LYRM9: variants seen among roughly 807,000 people sequenced by gnomAD.
The protein encoded by LYRM9 is LYR motif containing 9.
In LYRM9, 14 loss-of-function variants were observed where a neutral mutation model predicts 12.6. The ratio of observed to expected loss-of-function variants is 1.11; its 90% CI spans 0.73 to 1.73. LYRM9 has a LOEUF of 1.73. LYRM9 is among the 40% of genes most tolerant of loss of function. The pLI, the probability that LYRM9 is intolerant of heterozygous loss-of-function variation, is 0.00. For synonymous variants in LYRM9, 42 were observed against 35.1 expected (o/e 1.20, Z -0.69); for missense variants, 94 against 95.0 (o/e 0.99, Z 0.04).
chr17:27,881,721 C>T (rs1006920096), intron 2 of LYRM9, among the ~76,000 whole-genome samples: 1 of 152,142 alleles, frequency 6.6e-6, no homozygotes, highest in Non-Finnish European at 1.5e-5. Context: ...TCTGACATAA[C>T]CACAGTAATC....
At chr17:27,889,369 G>A (rs908682014) in intron 1 of LYRM9, among the ~76,000 whole-genome samples, 3 of 151,004 alleles carry the variant, frequency 2.0e-5, no homozygotes, top group South Asian at 2.1e-4. Context: ...GTGCAATGGC[G>A]CAATCTTGGC....
In LYRM9 at chr17:27,886,570, A is replaced by T. The variant is rs149829578; in HGVS notation, c.-18-3858T>A. On this transcript the variant is annotated intron_variant, in intron 1 of 3. Coordinates refer to ENST00000379102, the MANE Select transcript of LYRM9 (RefSeq NM_001076680.3). The surrounding 1 kb of genome is among the most constrained non-coding windows in gnomAD (Gnocchi z 4.8). ...CTCCTCCATCTTCCCAGGCAACCAA[A>T]CCAAAATCATCACAGTCAACCCAGG... Among the ~76,000 whole-genome samples, 5 of 151,884 alleles carry T rather than the reference A, an allele frequency of 3.3e-5. No homozygotes were observed. The East Asian group carries it at 7.7e-4, about 23-fold the overall frequency.
intron 1 of LYRM9, among the ~76,000 whole-genome samples, chr17:27,887,925 T>C (rs1046663192): frequency 2.0e-5 from 3 of 152,154 alleles, no homozygotes; most frequent in African/African-American, 7.2e-5. Context: ...GGCAAGAGAA[T>C]TCTCTTACTC....
chr17:27,880,237 C>A, intron 3 of LYRM9, 37 bp downstream of exon 3: 1 of 1,506,070 alleles, frequency 6.6e-7, no homozygotes, highest in African/African-American at 1.4e-5. Context: ...CATCATCACC[C>A]CAGCTCGCAG....
In LYRM9 at chr17:27,879,419, C is replaced by T. The variant is rs928148575; in HGVS notation, c.*54G>A. On this transcript the variant is annotated 3_prime_UTR_variant, in exon 4 of 4. Coordinates refer to ENST00000379102, the MANE Select transcript of LYRM9 (RefSeq NM_001076680.3). ...CAAACCAGCTGCTGCTGCTGAGCTCCAGAAGAGGGGCCTCTCAACTTCCAG... is the reference window on the plus strand; with the variant it reads ...CAAACCAGCTGCTGCTGCTGAGCTCTAGAAGAGGGGCCTCTCAACTTCCAG... The T allele has an allele frequency of 1.8e-5, 27 of 1,538,296 alleles. No homozygotes were observed. The highest frequency in any genetic ancestry group is 2.2e-5 in the Non-Finnish European group (25 of 1,140,700).
intron 1 of LYRM9, among the ~76,000 whole-genome samples, chr17:27,883,729 A>G (rs1221595863): frequency 1.3e-5 from 2 of 151,430 alleles, no homozygotes; most frequent in African/African-American, 2.4e-5. Context: ...ATGCACACAT[A>G]AGAAAACCGG....
intron 1 of LYRM9, among the ~76,000 whole-genome samples, chr17:27,884,679 G>A (rs1198646305): frequency 1.3e-5 from 2 of 152,324 alleles, no homozygotes; most frequent in Non-Finnish European, 2.9e-5. Context: ...CTCTCCCTGG[G>A]CTGAGCGCCT....
At chr17:27,883,086 C>T (rs746124333) in intron 1 of LYRM9, 32 of 468,704 alleles carry the variant, frequency 6.8e-5, no homozygotes, top group Middle Eastern at 3.3e-4. Context: ...CATGGTCTGG[C>T]GAGGGCACCA....
At chr17:27,891,051 C>T (rs1008823807) in intron 1 of LYRM9, among the ~76,000 whole-genome samples, 4 of 151,942 alleles carry the variant, frequency 2.6e-5, no homozygotes, top group South Asian at 2.1e-4. Context: ...TGGGACTATC[C>T]GAATACCTCC....
At position 27,879,150 on chromosome 17, in the gene LYRM9, TAA is replaced by T. The variant is rs1230634955; in HGVS notation, c.*321_*322del. The T allele has an allele frequency of 3.6e-6, 1 of 281,070 alleles. No homozygotes were observed. The highest frequency in any genetic ancestry group is 6.7e-6 in the Non-Finnish European group (1 of 148,210). 17.4% of individuals were successfully genotyped at this position (281,070 alleles called of 1,614,324 possible). On this transcript the variant is annotated 3_prime_UTR_variant, in exon 4 of 4. Transcript: ENST00000379102. ...ATCTGCTCTGGGACTCAGAGAATGA[TAA>T]AGAGATCTCCAGAATAAATGAATCA...
chr17:27,889,924 G>C (rs546793755), intron 1 of LYRM9, among the ~76,000 whole-genome samples: 5 of 152,036 alleles, frequency 3.3e-5, no homozygotes, highest in Admixed American at 2.6e-4. Context: ...CTGCAAAGCC[G>C]ATGGCTCCCA....
chr17:27,891,669 CTTA>C (rs952159057), intron 1 of LYRM9, among the ~76,000 whole-genome samples: 4 of 152,174 alleles, frequency 2.6e-5, no homozygotes, highest in African/African-American at 9.7e-5. Context: ...TCTGTAATCA[CTTA>C]TTGTGATTAT....
chr17:27,886,584 A>T lies in LYRM9; in HGVS notation c.-18-3872T>A, dbSNP rs1398762613. 6.6e-6 allele frequency among the ~76,000 whole-genome samples: 1 copy of T among 151,976 alleles called. No homozygotes were observed. The highest frequency in any genetic ancestry group is 1.5e-5 in the Non-Finnish European group (1 of 68,006). Reference sequence around the variant, plus strand: ...CAGGCAACCAAACCAAAATCATCACAGTCAACCCAGGTTCCTCCTTCTCCT... The same window carrying T: ...CAGGCAACCAAACCAAAATCATCACTGTCAACCCAGGTTCCTCCTTCTCCT... On this transcript the variant is annotated intron_variant, in intron 1 of 3. Coordinates refer to ENST00000379102, the MANE Select transcript of LYRM9 (RefSeq NM_001076680.3). The surrounding 1 kb of genome is among the most constrained non-coding windows in gnomAD (Gnocchi z 4.8).
In LYRM9 at chr17:27,879,372, C is replaced by G; in HGVS notation, c.*101G>C. On this transcript the variant is annotated 3_prime_UTR_variant, in exon 4 of 4. Coordinates refer to ENST00000379102, the MANE Select transcript of LYRM9 (RefSeq NM_001076680.3). ...TTCTCCCCTGATTTCTGGCTTTCAG[C>G]CAACAAGGCCAATGGCTCTTCCAAA... 1 of 1,341,800 alleles carries G rather than the reference C, an allele frequency of 7.5e-7. No individual in the cohort carries two copies. Among genetic ancestry groups the G allele is most frequent in the Non-Finnish European group, 1.0e-6 (1 of 996,124 alleles). 83.1% of individuals were successfully genotyped at this position (1,341,800 alleles called of 1,614,324 possible). A position where few individuals can be genotyped will look rare whatever the true frequency, so the allele number is the denominator to read the frequency against.
At chr17:27,889,817 C>T (rs575995809) in intron 1 of LYRM9, among the ~76,000 whole-genome samples, 1 of 152,300 alleles carries the variant, frequency 6.6e-6, no homozygotes, top group East Asian at 1.9e-4. Flanking sequence ...CTACGCCATG[C>T]CATTCAGAGC....
chr17:27,891,733 T>C (rs1905458023), intron 1 of LYRM9, among the ~76,000 whole-genome samples: 2 of 152,148 alleles, frequency 1.3e-5, no homozygotes, highest in African/African-American at 4.8e-5. Flanking sequence ...GAACCCTAGT[T>C]TAAAAGCCTA....
chr17:27,891,552 C>T (rs957309460), intron 1 of LYRM9, among the ~76,000 whole-genome samples: 1 of 152,210 alleles, frequency 6.6e-6, no homozygotes, highest in Admixed American at 6.5e-5. Context: ...TTGACTTCTT[C>T]ACCTGCCTCA....
intron 3 of LYRM9, 25 bp from the exon 4 acceptor site, chr17:27,879,515 G>A: frequency 1.3e-6 from 2 of 1,551,632 alleles, no homozygotes; most frequent in Non-Finnish European, 1.7e-6. Context: ...GATTCGAAGT[G>A]GAGGAGGGAA....
rs1010226440 is a variant in LYRM9 at position 27,878,459 on chromosome 17, A to C, written c.*1014T>G. 4 of 152,186 alleles carry C rather than the reference A, an allele frequency of 2.6e-5. No homozygotes were observed. Among genetic ancestry groups the C allele is most frequent in the Admixed American group, 2.0e-4 (3 of 15,276 alleles). 9.4% of individuals were successfully genotyped at this position (152,186 alleles called of 1,614,324 possible). ...TCACATAACTGCAAGGATACAAACA[A>C]ACACTAGTTCATCCCTGTGGCTGAG... On this transcript the variant is annotated 3_prime_UTR_variant, in exon 4 of 4. Coordinates refer to ENST00000379102, the MANE Select transcript of LYRM9 (RefSeq NM_001076680.3).
Sources: gnomAD v4.1 joint callset for allele counts (sites outside exome capture counted in the v4.1 genomes callset) on GRCh38, gnomAD v4.1.1 for gene constraint, Gnocchi (gnomAD v3.1) non-coding constraint, MANE v1.5 for transcripts, NCBI Gene and HGNC (gene_info 2026-07-23, HGNC 2026-07-21) for gene names.